The following TENM3 variants were observed in gnomAD, a reference collection of about 807,000 sequenced individuals.
The protein encoded by TENM3 is teneurin transmembrane protein 3, also known as teneurin-3.
A neutral mutation model predicts 255.1 loss-of-function variants in TENM3; 63 were observed. That is an observed-to-expected ratio of 0.25 (90% confidence interval 0.20 to 0.30). The LOEUF (loss-of-function observed/expected upper bound fraction) is 0.30, where lower values mean the gene tolerates loss of function less well. Ranked by LOEUF, TENM3 falls within the 10% of genes least tolerant of loss-of-function variation. The pLI, the probability that TENM3 is intolerant of heterozygous loss-of-function variation, is 1.00. For synonymous variants in TENM3, 1,306 were observed against 1,322.3 expected (o/e 0.99, Z 0.27); for missense variants, 2,929 against 3,461.1 (o/e 0.85, Z 3.86).
Position 182,197,037 on chromosome 4 carries a change from G to A in TENM3, c.-76+52283G>A, listed in dbSNP as rs1579676705. On this transcript the variant is annotated intron_variant, in intron 1 of 2. Coordinates refer to the TENM3 transcript ENST00000512480. ...GTTTCCCATCCTCGGAGTTGCTGTT[G>A]CATTTCATGTCAGCATGTTACAGTT... Among the ~76,000 whole-genome samples the A allele has an allele frequency of 3.9e-5, 6 of 152,194 alleles. 2 individuals are homozygous for A. The highest frequency in any genetic ancestry group is 3.9e-4 in the Admixed American group (6 of 15,294).
the TENM3 span, among the ~76,000 whole-genome samples, chr4:181,520,298 A>G: frequency 1.3e-5 from 2 of 152,164 alleles, no homozygotes; most frequent in Admixed American, 1.3e-4. Context: ...CAGAAGGGAG[A>G]AAATGCTGAT....
the TENM3 span, among the ~76,000 whole-genome samples, chr4:181,601,872 A>G: frequency 3.3e-5 from 5 of 152,114 alleles, no homozygotes; most frequent in Non-Finnish European, 7.4e-5. Context: ...TCAGTCCATA[A>G]CACACAGCAT....
chr4:181,662,689 G>A, the TENM3 span, among the ~76,000 whole-genome samples: 1 of 152,170 alleles, frequency 6.6e-6, no homozygotes, highest in Non-Finnish European at 1.5e-5. Flanking sequence ...CATGTCAGCT[G>A]CATAATGAAA....
At chr4:182,597,358 G>A (rs1747365980) in intron 3 of TENM3, among the ~76,000 whole-genome samples, 1 of 152,160 alleles carries the variant, frequency 6.6e-6, no homozygotes, top group African/African-American at 2.4e-5. Flanking sequence ...GCAGTGAGCT[G>A]TAGTCATACC....
chr4:181,767,380 G>A, the TENM3 span, among the ~76,000 whole-genome samples: 1 of 151,894 alleles, frequency 6.6e-6, no homozygotes, highest in Non-Finnish European at 1.5e-5. Flanking sequence ...AATAACAAAG[G>A]GAGAATATAT....
intron 3 of TENM3, among the ~76,000 whole-genome samples, chr4:182,595,261 C>G (rs1217895161): frequency 6.6e-6 from 1 of 152,048 alleles, no homozygotes; most frequent in South Asian, 2.1e-4. Context: ...CTTCTCCATG[C>G]AGAGTTCCAT....
At chr4:181,679,104 A>G in the TENM3 span, among the ~76,000 whole-genome samples, 2 of 152,116 alleles carry the variant, frequency 1.3e-5, no homozygotes, top group African/African-American at 4.8e-5. Flanking sequence ...GCCTGTAACA[A>G]AAGCTGAGTC....
intron 1 of TENM3, among the ~76,000 whole-genome samples, chr4:182,258,260 C>G (rs899617923): frequency 2.0e-5 from 3 of 152,030 alleles, no homozygotes; most frequent in Non-Finnish European, 2.9e-5. Flanking sequence ...TAGTGGTAAA[C>G]AAATTTAATG....
chr4:182,045,597 T>A, the TENM3 span, among the ~76,000 whole-genome samples: 1 of 152,130 alleles, frequency 6.6e-6, no homozygotes, highest in Admixed American at 6.5e-5. Context: ...AATGGACTTG[T>A]TGGGGCTGTC....
At chr4:182,306,419 TTTATAAG>T (rs1187865183) in intron 1 of TENM3, among the ~76,000 whole-genome samples, 3 of 152,170 alleles carry the variant, frequency 2.0e-5, no homozygotes, top group Non-Finnish European at 4.4e-5. Context: ...CGTGAAAATG[TTTATAAG>T]TTATAATACA....
At chr4:182,787,897 C>T (rs1016457203) in intron 24 of TENM3, among the ~76,000 whole-genome samples, 6 of 152,116 alleles carry the variant, frequency 3.9e-5, no homozygotes, top group African/African-American at 1.4e-4. Flanking sequence ...TCCCCTTGAA[C>T]AGCCAATAGG....
chr4:182,702,438 T>G (rs1270502623), intron 12 of TENM3, among the ~76,000 whole-genome samples: 1 of 152,196 alleles, frequency 6.6e-6, no homozygotes, highest in Admixed American at 6.5e-5. Flanking sequence ...GTCAGACTTT[T>G]TCTTTTCTTC....
the TENM3 span, among the ~76,000 whole-genome samples, chr4:181,714,452 AAAAG>A: frequency 6.6e-6 from 1 of 152,172 alleles, no homozygotes; most frequent in Non-Finnish European, 1.5e-5. Flanking sequence ...TGCTATCTCA[AAAAG>A]AAAGAAAGAC....
At chr4:181,803,790 G>C in the TENM3 span, among the ~76,000 whole-genome samples, 1 of 151,842 alleles carries the variant, frequency 6.6e-6, no homozygotes, top group Non-Finnish European at 1.5e-5. Flanking sequence ...AAAAAAATTA[G>C]CCAGGTGTGG....
chr4:182,304,181 C>T (rs1762000993), intron 1 of TENM3, among the ~76,000 whole-genome samples: 1 of 151,598 alleles, frequency 6.6e-6, no homozygotes, highest in African/African-American at 2.4e-5. Context: ...AGGAGATGCC[C>T]TGAAGACAAT....
chr4:182,132,005 T>G, the TENM3 span, among the ~76,000 whole-genome samples: 1 of 144,286 alleles, frequency 6.9e-6, no homozygotes, highest in Non-Finnish European at 1.5e-5. Context: ...TTATCATCCC[T>G]GAACTATACT....
At chr4:181,451,722 T>C in the TENM3 span, among the ~76,000 whole-genome samples, 2 of 152,170 alleles carry the variant, frequency 1.3e-5, no homozygotes, top group Non-Finnish European at 2.9e-5. Flanking sequence ...CATGGTAATG[T>C]TCCTTGTTTT....
the TENM3 span, among the ~76,000 whole-genome samples, chr4:181,916,654 C>T: frequency 6.6e-5 from 10 of 151,868 alleles, no homozygotes; most frequent in South Asian, 2.1e-4. Flanking sequence ...TGAGGGAGGC[C>T]GATCACGAGG....
chr4:181,959,438 G>A, the TENM3 span, among the ~76,000 whole-genome samples: 34 of 152,180 alleles, frequency 2.2e-4, no homozygotes, highest in Non-Finnish European at 4.4e-4. Flanking sequence ...TGTGAAGAAG[G>A]AAGGGAGTGG....
Sources: gnomAD v4.1 joint callset for allele counts (sites outside exome capture counted in the v4.1 genomes callset) on GRCh38, gnomAD v4.1.1 for gene constraint, MANE v1.5 for transcripts, NCBI Gene and HGNC (gene_info 2026-07-23, HGNC 2026-07-21) for gene names.